Variants in CNTN3 observed in about 807,000 individuals in gnomAD.
CNTN3 encodes the protein contactin-3.
In CNTN3, 60 loss-of-function variants were observed where a neutral mutation model predicts 119.1. That is an observed-to-expected ratio of 0.50 (90% CI 0.41 to 0.62). CNTN3 has a LOEUF of 0.62. Among genes scored for constraint, CNTN3 ranks in the 20% least tolerant of loss-of-function variants. CNTN3 has a pLI of 0.00. For missense variants in CNTN3, 1,101 were observed against 1,242.4 expected, an observed-to-expected ratio of 0.89 and a Z score of 1.71; for synonymous variants, 450 against 438.7, an observed-to-expected ratio of 1.03 and a Z score of -0.32.
At chr3:74,277,911 C>T (rs1264694526) in intron 20 of CNTN3, among the ~76,000 whole-genome samples, 1 of 151,856 alleles carries the variant, frequency 6.6e-6, no homozygotes, top group Admixed American at 6.6e-5. Context: ...TAAAATAATT[C>T]AGCAGTTTCC....
At chr3:74,328,085 A>G (rs1210937563) in intron 13 of CNTN3, among the ~76,000 whole-genome samples, 4 of 151,922 alleles carry the variant, frequency 2.6e-5, no homozygotes, top group Admixed American at 1.3e-4. Flanking sequence ...TATAGAAAGA[A>G]TAAAAAGGAG....
intron 11 of CNTN3, among the ~76,000 whole-genome samples, chr3:74,338,740 T>G (rs1050541113): frequency 6.6e-5 from 10 of 152,132 alleles, no homozygotes; most frequent in African/African-American, 2.4e-4. Flanking sequence ...TATGATTTTT[T>G]TAAAACTGTG....
At chr3:74,534,386 G>A (rs1449639137) in intron 1 of CNTN3, among the ~76,000 whole-genome samples, 1 of 151,854 alleles carries the variant, frequency 6.6e-6, no homozygotes, top group South Asian at 2.1e-4. Context: ...CAGGTTTTAT[G>A]TAATTTGCTT....
intron 5 of CNTN3, among the ~76,000 whole-genome samples, chr3:74,397,623 T>G (rs1325085304): frequency 1.3e-5 from 2 of 152,006 alleles, no homozygotes; most frequent in Non-Finnish European, 2.9e-5. Flanking sequence ...AGTGTTCAAG[T>G]GAAAGGAAGA....
chr3:74,376,081 C>T (rs1704468400), intron 5 of CNTN3, among the ~76,000 whole-genome samples: 1 of 152,164 alleles, frequency 6.6e-6, no homozygotes, highest in African/African-American at 2.4e-5. Flanking sequence ...GGAACACGGG[C>T]AGCCTCTAGA....
intron 5 of CNTN3, among the ~76,000 whole-genome samples, chr3:74,394,450 T>G (rs1249234445): frequency 6.6e-6 from 1 of 152,124 alleles, no homozygotes; most frequent in Non-Finnish European, 1.5e-5. Context: ...GATCTATCAT[T>G]CCAGTGACAT....
At chr3:74,342,796 G>A (rs1575739042) in intron 11 of CNTN3, among the ~76,000 whole-genome samples, 2 of 152,256 alleles carry the variant, frequency 1.3e-5, no homozygotes, top group East Asian at 3.9e-4. Context: ...CCTATAAGGG[G>A]ATTTCCAGTC....
chr3:74,288,723 A>C (rs558721105), intron 19 of CNTN3, among the ~76,000 whole-genome samples: 52 of 152,284 alleles, frequency 3.4e-4, no homozygotes, highest in Non-Finnish European at 5.6e-4. Context: ...GAAGGACTTT[A>C]AAAAAATGGA....
intron 11 of CNTN3, among the ~76,000 whole-genome samples, chr3:74,347,117 G>T (rs148254875): frequency 1.3e-5 from 2 of 152,266 alleles, no homozygotes; most frequent in African/African-American, 4.8e-5. Context: ...AGGCCAAGTT[G>T]GGAGCTGTAT....
At chr3:74,490,258 G>A (rs1702938267) in intron 3 of CNTN3, among the ~76,000 whole-genome samples, 1 of 152,188 alleles carries the variant, frequency 6.6e-6, no homozygotes, top group Admixed American at 6.5e-5. Context: ...AGCGGGAAAA[G>A]CTCCTCTAAA....
intron 1 of CNTN3, among the ~76,000 whole-genome samples, chr3:74,527,026 T>C (rs183037183): frequency 3.9e-5 from 6 of 152,052 alleles, no homozygotes; most frequent in African/African-American, 1.4e-4. Context: ...TATGCTTTAT[T>C]ACACTGAAAA....
At chr3:74,477,410 A>C (rs528621721) in intron 4 of CNTN3, among the ~76,000 whole-genome samples, 1 of 152,276 alleles carries the variant, frequency 6.6e-6, no homozygotes, top group African/African-American at 2.4e-5. Context: ...ATAAAACAGT[A>C]CTGACCAGCA....
intron 13 of CNTN3, among the ~76,000 whole-genome samples, chr3:74,323,407 G>C (rs1328314843): frequency 6.6e-6 from 1 of 152,320 alleles, no homozygotes; most frequent in African/African-American, 2.4e-5. Context: ...GGTATATAGA[G>C]AAAGTAGATC....
At chr3:74,486,092 G>A (rs1048264413) in intron 4 of CNTN3, among the ~76,000 whole-genome samples, 5 of 111,604 alleles carry the variant, frequency 4.5e-5, no homozygotes, top group Middle Eastern at 5.3e-3. Flanking sequence ...CAATTCTTTC[G>A]CATTTTTTTC....
chr3:74,431,109 C>A (rs1701776549), intron 4 of CNTN3, among the ~76,000 whole-genome samples: 1 of 152,170 alleles, frequency 6.6e-6, no homozygotes, highest in Non-Finnish European at 1.5e-5. Context: ...AAAGTCTTCA[C>A]TTTGATACAC....
At position 74,419,798 on chromosome 3, in the gene CNTN3, C is replaced by T. The variant is rs76977113; in HGVS notation, c.454+5047G>A. ...TGCATGTATGTAATAACTTGATTAACCTATGAATTCCTGAGTAATTAGTAT... is the reference window on the plus strand; with the variant it reads ...TGCATGTATGTAATAACTTGATTAATCTATGAATTCCTGAGTAATTAGTAT... On this transcript the variant is annotated intron_variant, in intron 5 of 22. Transcript: ENST00000263665. 5.7e-3 allele frequency among the ~76,000 whole-genome samples: 868 copies of T among 152,240 alleles called. 5 individuals are homozygous for T. The highest frequency in any genetic ancestry group is 0.02 in the African/African-American group (820 of 41,542).
At chr3:74,509,780 G>A (rs1703331855) in intron 2 of CNTN3, among the ~76,000 whole-genome samples, 1 of 152,026 alleles carries the variant, frequency 6.6e-6, no homozygotes, top group Non-Finnish European at 1.5e-5. Flanking sequence ...AGGAAACTCT[G>A]CTCTCAATTC....
chr3:74,511,581 G>A (rs1703363939), intron 2 of CNTN3, among the ~76,000 whole-genome samples: 1 of 152,060 alleles, frequency 6.6e-6, no homozygotes, highest in Admixed American at 6.6e-5. Context: ...GAAGCCAGGG[G>A]ATTGCTGGGC....
intron 11 of CNTN3, among the ~76,000 whole-genome samples, chr3:74,361,214 T>G (rs1479355227): frequency 6.6e-6 from 1 of 152,164 alleles, no homozygotes; most frequent in East Asian, 1.9e-4. Context: ...TTTACCTAAG[T>G]GCTTTATTAA....
Sources: gnomAD v4.1 joint callset for allele counts (sites outside exome capture counted in the v4.1 genomes callset) on GRCh38, gnomAD v4.1.1 for gene constraint, MANE v1.5 for transcripts, NCBI Gene and HGNC (gene_info 2026-07-23, HGNC 2026-07-21) for gene names.